CORO2B: variants seen among roughly 807,000 people sequenced by gnomAD.
CORO2B encodes the protein coronin 2B.
In CORO2B, 26 loss-of-function variants were observed where a neutral mutation model predicts 58.8. The ratio of observed to expected loss-of-function variants is 0.44; its 90% confidence interval spans 0.32 to 0.61. The LOEUF (loss-of-function observed/expected upper bound fraction) is 0.61. Ranked by LOEUF, CORO2B falls within the 20% of genes least tolerant of loss-of-function variation. The pLI is 0.04. For missense variants in CORO2B, 460 were observed against 645.1 expected, an observed-to-expected ratio of 0.71 and a Z score of 3.11; for synonymous variants, 242 against 253.8, an observed-to-expected ratio of 0.95 and a Z score of 0.44.
chr15:68,689,369 T>C (rs1181008011), intron 2 of CORO2B, among the ~76,000 whole-genome samples: 2 of 151,916 alleles, frequency 1.3e-5, no homozygotes, highest in African/African-American at 4.8e-5. Flanking sequence ...GCCGACCATC[T>C]GAACAGTCAT....
At chr15:68,592,771 C>T (rs190870308) in intron 1 of CORO2B, among the ~76,000 whole-genome samples, 14 of 152,258 alleles carry the variant, frequency 9.2e-5, no homozygotes, top group Non-Finnish European at 1.9e-4. Flanking sequence ...GGTCTGTGTA[C>T]TGTCATGGGA....
the CORO2B span, among the ~76,000 whole-genome samples, chr15:68,537,996 A>G: frequency 6.6e-6 from 1 of 152,206 alleles, no homozygotes; most frequent in African/African-American, 2.4e-5. Context: ...AGCCTTGTTC[A>G]TAGAGTAGGT....
At chr15:68,722,747 A>T (rs1183894907) in intron 11 of CORO2B, among the ~76,000 whole-genome samples, 4 of 152,230 alleles carry the variant, frequency 2.6e-5, no homozygotes, top group Admixed American at 6.5e-5. Flanking sequence ...ATATTTTTTT[A>T]AGTTATATTT....
rs190596781 is a variant in CORO2B at position 68,655,171 on chromosome 15, C to T, written c.216+9811C>T. Among the ~76,000 whole-genome samples the T allele has an allele frequency of 2.6e-5, 4 of 152,332 alleles. No individual in the cohort carries two copies. The East Asian group carries it at 5.8e-4, about 22-fold the overall frequency. The stretch of plus-strand genomic sequence containing the variant: ...GGGAAGGCATGTAAAGGTTTTACCA[C>T]AGTGCCTGGCGTACAGCAAGTGCTC... On this transcript the variant is annotated intron_variant, in intron 2 of 11. Transcript: ENST00000261861.
chr15:68,545,609 G>A, the CORO2B span, among the ~76,000 whole-genome samples: 2 of 130,040 alleles, frequency 1.5e-5, no homozygotes, highest in Non-Finnish European at 3.2e-5. Context: ...GGAATGCGGG[G>A]GGCGGGGGGG....
At chr15:68,698,989 G>A (rs1474767441) in intron 3 of CORO2B, among the ~76,000 whole-genome samples, 8 of 152,168 alleles carry the variant, frequency 5.3e-5, no homozygotes, top group Admixed American at 1.3e-4. Flanking sequence ...GTGCAGAGAG[G>A]AGAAGAGGTA....
chr15:68,587,209 CA>C (rs565790523), intron 1 of CORO2B, among the ~76,000 whole-genome samples: 1 of 151,692 alleles, frequency 6.6e-6, no homozygotes, highest in Non-Finnish European at 1.5e-5. Flanking sequence ...AACAAACAAA[CA>C]AAAAAAACCC....
At chr15:68,551,691 C>T in the CORO2B span, among the ~76,000 whole-genome samples, 3 of 152,198 alleles carry the variant, frequency 2.0e-5, no homozygotes, top group African/African-American at 7.2e-5. Context: ...TGGACAAAGG[C>T]CTGGCGCCTT....
intron 1 of CORO2B, among the ~76,000 whole-genome samples, chr15:68,584,348 A>G (rs1386247130): frequency 2.6e-5 from 4 of 152,102 alleles, no homozygotes; most frequent in African/African-American, 4.8e-5. Flanking sequence ...AGGCACTGCC[A>G]CCTTGACACC....
intron 2 of CORO2B, among the ~76,000 whole-genome samples, chr15:68,685,617 G>A (rs1455968270): frequency 6.6e-6 from 1 of 152,208 alleles, no homozygotes; most frequent in East Asian, 1.9e-4. Flanking sequence ...GAGGCAGGAG[G>A]CCCAGGCCCC....
At chr15:68,697,219 T>C (rs1040327645) in intron 3 of CORO2B, among the ~76,000 whole-genome samples, 2 of 151,644 alleles carry the variant, frequency 1.3e-5, no homozygotes, top group Non-Finnish European at 2.9e-5. Flanking sequence ...GATTGTTGGA[T>C]GGATGGATGG....
At chr15:68,559,824 A>C in the CORO2B span, among the ~76,000 whole-genome samples, 2 of 152,156 alleles carry the variant, frequency 1.3e-5, no homozygotes, top group East Asian at 3.9e-4. The surrounding 1 kb of genome is among the most constrained non-coding windows in gnomAD (Gnocchi z 4.3). Flanking sequence ...GCGCTCCAGG[A>C]CCAGCAGGTC....
At chr15:68,592,454 A>G (rs530293415) in intron 1 of CORO2B, among the ~76,000 whole-genome samples, 6 of 152,270 alleles carry the variant, frequency 3.9e-5, no homozygotes, top group African/African-American at 1.4e-4. Context: ...TAACTGAGAT[A>G]GGGTATGAGA....
intron 1 of CORO2B, among the ~76,000 whole-genome samples, chr15:68,582,446 G>T (rs1899450754): frequency 6.6e-6 from 1 of 152,162 alleles, no homozygotes; most frequent in Non-Finnish European, 1.5e-5. Context: ...GGCAGCTCGG[G>T]GCGAGGGAGC....
intron 3 of CORO2B, among the ~76,000 whole-genome samples, chr15:68,708,870 G>A (rs1268285698): frequency 5.3e-5 from 8 of 151,970 alleles, no homozygotes; most frequent in East Asian, 1.9e-4. Flanking sequence ...TTGTAGAGGC[G>A]GAGTCTCACT....
At chr15:68,526,256 C>T in the CORO2B span, among the ~76,000 whole-genome samples, 7 of 152,162 alleles carry the variant, frequency 4.6e-5, no homozygotes, top group East Asian at 3.9e-4. Context: ...CATATAGACA[C>T]GTTTTCATTT....
intron 2 of CORO2B, among the ~76,000 whole-genome samples, chr15:68,686,223 A>AG (rs71145191): frequency 0.19 from 29,397 of 151,046 alleles, 3,320 homozygotes; most frequent in Non-Finnish European, 0.25. Context: ...TTTGGTAGAG[A>AG]GGGGGTTCTG....
At chr15:68,577,636 G>T (rs904538755), upstream of CORO2B, among the ~76,000 whole-genome samples, 1 of 149,748 alleles carries the variant, frequency 6.7e-6, no homozygotes, top group Admixed American at 6.7e-5. Context: ...CAGAAGAATC[G>T]CTTGAATCCA....
chr15:68,570,383 T>C, the CORO2B span, among the ~76,000 whole-genome samples: 1 of 152,250 alleles, frequency 6.6e-6, no homozygotes, highest in African/African-American at 2.4e-5. Flanking sequence ...TCTTTTCTTG[T>C]GATGTCTTCG....
Sources: gnomAD v4.1 joint callset for allele counts (sites outside exome capture counted in the v4.1 genomes callset) on GRCh38, gnomAD v4.1.1 for gene constraint, Gnocchi (gnomAD v3.1) non-coding constraint, MANE v1.5 for transcripts, NCBI Gene and HGNC (gene_info 2026-07-23, HGNC 2026-07-21) for gene names.